The following PDK2 variants were observed in gnomAD, a reference collection of about 807,000 sequenced individuals.
The protein encoded by PDK2 is pyruvate dehydrogenase kinase, isozyme 2.
Under a neutral mutation model 50.4 loss-of-function variants are expected in PDK2, and 34 were observed. The observed-to-expected ratio is 0.68, with a 90% confidence interval of 0.51 to 0.90. The LOEUF is 0.90. Ranked by LOEUF, PDK2 falls within the 40% of genes least tolerant of loss-of-function variation. The pLI is 0.00. For synonymous variants in PDK2, 232 were observed against 216.0 expected, an observed-to-expected ratio of 1.07 and a Z score of -0.65; for missense variants, 377 against 544.5, an observed-to-expected ratio of 0.69 and a Z score of 3.06.
At chr17:50,095,688 A>G (rs1598205772) in intron 1 of PDK2, 135 bp downstream of exon 1, 1 of 1,455,558 alleles carries the variant, frequency 6.9e-7, no homozygotes, top group Admixed American at 2.7e-5. Flanking sequence ...TACAGGCAGG[A>G]AAGAGTTAAT....
At chr17:50,104,203 G>A (rs1910382706) in intron 2 of PDK2, 1 of 152,204 alleles carries the variant, frequency 6.6e-6, no homozygotes, top group African/African-American at 2.4e-5. Flanking sequence ...GCCACCACAG[G>A]TGGACCTGAC....
rs1364222674 is a variant in PDK2 at position 50,110,386 on chromosome 17, C to CAG, written c.*289_*290insAG. 3.6e-6 allele frequency: 1 copy of CAG among 277,640 alleles called. No individual in the cohort carries two copies. The highest frequency in any genetic ancestry group is 5.0e-5 in the Admixed American group (1 of 20,184). 17.2% of individuals were successfully genotyped at this position (277,640 alleles called of 1,614,324 possible). ...AGAGACATTTTCCCATGGCAGTCCT[C>CAG]CTCTCTGAGACCAGGGCTGTCACTT... is the stretch of plus-strand genomic sequence containing the variant. On this transcript the variant is annotated 3_prime_UTR_variant, in exon 11 of 11. Transcript: ENST00000503176.
chr17:50,102,869 G>T (rs377546712), intron 2 of PDK2, among the ~76,000 whole-genome samples: 1 of 152,212 alleles, frequency 6.6e-6, no homozygotes, highest in Non-Finnish European at 1.5e-5. Flanking sequence ...CGGCATCACC[G>T]TCAGGGCCCG....
intron 1 of PDK2, chr17:50,096,280 CTG>C (rs1909938138): frequency 1.0e-6 from 1 of 985,364 alleles, no homozygotes; most frequent in Non-Finnish European, 1.2e-6. Context: ...TGCCCCAGGG[CTG>C]CTAGGTCAGG....
At chr17:50,096,255 T>C in intron 1 of PDK2, 1 of 985,444 alleles carries the variant, frequency 1.0e-6, no homozygotes, top group South Asian at 4.7e-5. Context: ...TCAAGCCGCC[T>C]ATACCTCCCT....
At position 50,109,362 on chromosome 17, in the gene PDK2, A is replaced by T; in HGVS notation, c.1045A>T (p.Met349Leu). The T allele has an allele frequency of 1.2e-6, 2 of 1,613,464 alleles. No individual in the cohort carries two copies. The highest frequency in any genetic ancestry group is 1.7e-6 in the Non-Finnish European group (2 of 1,179,690). ...YFQGDLQLFSMEGFGTDAVIY... is the reference protein window; with the variant it reads ...YFQGDLQLFSLEGFGTDAVIY... ...CCAGGGAGACCTGCAGCTCTTCTCCATGGAAGGCTTTGGGACCGATGCTGT... is the reference window on the plus strand; with the variant it reads ...CCAGGGAGACCTGCAGCTCTTCTCCTTGGAAGGCTTTGGGACCGATGCTGT... Residue 349 changes from methionine (M) to leucine (L), a missense_variant, in exon 10 of 11, where the codon ATG (methionine) becomes TTG (leucine). Physicochemically the swap from Met to Leu is conservative, Grantham distance 15. Transcript: ENST00000503176. This position sits in a 1 kb window ranked among gnomAD's most constrained non-coding sequence, Gnocchi z 5.0.
rs749221173 is a variant in PDK2 at position 50,101,016 on chromosome 17, C to T, written c.260+3452C>T. ...GGGACAACCCCGGCTCCTCTCCAGG[C>T]GTGGAGTCTGTGGGGATGTGCTTCC... On this transcript the variant is annotated intron_variant, in intron 2 of 10. Transcript: ENST00000503176. This position sits in a 1 kb window ranked among gnomAD's most constrained non-coding sequence, Gnocchi z 4.2. 7 of 152,366 alleles carry T rather than the reference C, an allele frequency of 4.6e-5. No homozygotes were observed. The East Asian group carries it at 1.2e-3, about 25-fold the overall frequency. The allele number at this position is 152,366 out of a possible 1,614,324, so 9.4% of individuals were successfully genotyped here. A position where few individuals can be genotyped will look rare whatever the true frequency, so the allele number is the denominator to read the frequency against.
chr17:50,097,864 A>G (rs1387958103), intron 2 of PDK2: 1 of 321,808 alleles, frequency 3.1e-6, no homozygotes, highest in Non-Finnish European at 5.8e-6. Flanking sequence ...ATTCAGGCTG[A>G]TGTCAGCATT....
chr17:50,105,896 C>G lies in PDK2; in HGVS notation c.344C>G (p.Ala115Gly). ...GCCCTGCCCCACAGGTTCACTGACG[C>G]CCTGGTCACCATCCGGAACCGGCAC... is the stretch of plus-strand genomic sequence containing the variant. ...DHRTLSQFTDALVTIRNRHND... is the reference protein window; with the variant it reads ...DHRTLSQFTDGLVTIRNRHND... Residue 115 changes from alanine (A) to glycine (G), a missense_variant, in exon 4 of 11, where the codon GCC (alanine) becomes GGC (glycine). Physicochemically the swap from Ala to Gly is moderately conservative, Grantham distance 60. Around this residue, in one of 3 missense-constraint regions of PDK2, gnomAD observed 63 missense variants for 135.1 expected, o/e 0.47. Coordinates refer to ENST00000503176, the MANE Select transcript of PDK2 (RefSeq NM_002611.5). 6.2e-7 allele frequency: 1 copy of G among 1,613,416 alleles called. No homozygotes were observed. The highest frequency in any genetic ancestry group is 8.5e-7 in the Non-Finnish European group (1 of 1,179,684).
rs893232732 is a variant in PDK2 at position 50,111,799 on chromosome 17, TC to T, written c.*1704del. 6.6e-6 allele frequency: 1 copy of T among 151,992 alleles called. No individual in the cohort carries two copies. Among genetic ancestry groups the T allele is most frequent in the African/African-American group, 2.4e-5 (1 of 41,334 alleles). 9.4% of individuals were successfully genotyped at this position (151,992 alleles called of 1,614,324 possible). ...TGCTGTCCCCAGGCTGCTGGTAAAC[TC>T]CACCCCCATCCAGGGAGCTGGCCCC... On this transcript the variant is annotated 3_prime_UTR_variant, in exon 11 of 11. Coordinates refer to ENST00000503176, the MANE Select transcript of PDK2 (RefSeq NM_002611.5).
rs1374620383 is a variant in PDK2, at chr17:50,106,879, C to G, written c.603C>G (p.Val201=). 1.2e-6 allele frequency: 2 copies of G among 1,613,614 alleles called. No homozygotes were observed. The highest frequency in any genetic ancestry group is 3.3e-5 in the Admixed American group (2 of 59,998). ...IDPNCNVSEV[V]KDAYDMAKLL... ...CCAACTGCAACGTCTCTGAGGTGGTCAAAGGTGAGCCATTCCCACGGTGCC... is the reference window on the plus strand; with the variant it reads ...CCAACTGCAACGTCTCTGAGGTGGTGAAAGGTGAGCCATTCCCACGGTGCC... The change falls in exon 5 of 11, where the codon GTC becomes GTG. Residue 201 remains valine, a synonymous_variant. Transcript: ENST00000503176.
intron 4 of PDK2, chr17:50,106,558 C>T: frequency 1.7e-6 from 1 of 577,916 alleles, no homozygotes; most frequent in Non-Finnish European, 3.1e-6. Flanking sequence ...TGGGGAGAGA[C>T]CTCTGAAAAG....
chr17:50,096,282 G>A, intron 1 of PDK2: 1 of 985,508 alleles, frequency 1.0e-6, no homozygotes, highest in South Asian at 4.7e-5. Context: ...CCCCAGGGCT[G>A]CTAGGTCAGG....
At chr17:50,108,763 C>A in intron 9 of PDK2, 44 bp downstream of exon 9, 1 of 1,098,402 alleles carries the variant, frequency 9.1e-7, no homozygotes, top group Non-Finnish European at 1.3e-6. Flanking sequence ...CTGAGGGAGG[C>A]TTCTCTCCTC....
chr17:50,095,197 T>G, upstream of PDK2: 4 of 448,992 alleles, frequency 8.9e-6, no homozygotes, highest in Non-Finnish European at 1.6e-5. Flanking sequence ...AAAGCGTGGG[T>G]TAAGGGGGCG....
intron 9 of PDK2, 126 bp downstream of exon 9, chr17:50,108,845 G>A (rs1356849248): frequency 1.5e-6 from 1 of 651,728 alleles, no homozygotes; most frequent in African/African-American, 1.8e-5. Context: ...TCTTGAATCT[G>A]GGCCCCCGCA....
In PDK2 at chr17:50,108,420, A is replaced by G. The variant is rs763122083; in HGVS notation, c.861+3A>G. On this transcript the variant is annotated splice_donor_region_variant and intron_variant, in intron 8 of 10. Coordinates refer to ENST00000503176, the MANE Select transcript of PDK2 (RefSeq NM_002611.5). Reference sequence around the variant, plus strand: ...GTGAGGAAGATCTGTCCATCAAGGTATGTGACCCTTTGACCTTGGGGACCA... The same window carrying G: ...GTGAGGAAGATCTGTCCATCAAGGTGTGTGACCCTTTGACCTTGGGGACCA... The G allele has an allele frequency of 3.1e-6, 5 of 1,608,462 alleles. No individual in the cohort carries two copies. In the South Asian group the frequency reaches 3.3e-5, roughly 11 times the overall value.
At chr17:50,096,769 T>G (rs938164377) in intron 1 of PDK2, among the ~76,000 whole-genome samples, 25 of 151,994 alleles carry the variant, frequency 1.6e-4, no homozygotes, top group African/African-American at 5.6e-4. Flanking sequence ...GGTGACAGAG[T>G]TGGAAGCAGA....
At position 50,107,126 on chromosome 17, in the gene PDK2, C is replaced by A; in HGVS notation, c.658C>A (p.Pro220Thr). The A allele has an allele frequency of 6.2e-7, 1 of 1,614,110 alleles. No individual in the cohort carries two copies. Among genetic ancestry groups the A allele is most frequent in the Non-Finnish European group, 8.5e-7 (1 of 1,179,996 alleles). Residue 220 changes from proline (P) to threonine (T), a missense_variant, in exon 6 of 11, where the codon CCT (proline) becomes ACT (threonine). Pro to Thr is a conservative substitution (Grantham distance 38). Coordinates refer to ENST00000503176, the MANE Select transcript of PDK2 (RefSeq NM_002611.5). ...GTGTGACAAGTATTACATGGCCTCA[C>A]CTGACCTGGAGATCCAGGAGATCAA... Reference protein sequence around the residue: ...LLCDKYYMASPDLEIQEINAA... With the variant: ...LLCDKYYMASTDLEIQEINAA...
Sources: gnomAD v4.1 joint callset for allele counts (sites outside exome capture counted in the v4.1 genomes callset) on GRCh38, gnomAD v4.1.1 for gene constraint, gnomAD v4.1.1 regional missense constraint, Gnocchi (gnomAD v3.1) non-coding constraint, MANE v1.5 for transcripts, NCBI Gene and HGNC (gene_info 2026-07-23, HGNC 2026-07-21) for gene names.